The following S100G variants were observed in gnomAD, a reference collection of about 807,000 sequenced individuals.
S100G encodes protein S100-G.
S100G carries 4 observed loss-of-function variants against 4.4 expected under a neutral mutation model. The observed-to-expected ratio is 0.91, with a 90% confidence interval of 0.45 to 2.09. The LOEUF is 2.09. Ranked by LOEUF, S100G falls within the 30% of genes most tolerant of loss-of-function variation. The probability of loss-of-function intolerance (pLI) is 0.03; values close to 1 mark genes in which losing one functional copy is unlikely to be tolerated. For synonymous variants in S100G, 24 were observed against 20.1 expected (o/e 1.20, Z -0.53); for missense variants, 48 against 49.8 (o/e 0.96, Z 0.11).
chrX:16,654,382 C>T, intron 2 of S100G, 23 bp from the exon 3 acceptor site: 1 of 1,039,243 alleles, frequency 9.6e-7, no homozygotes, highest in Non-Finnish European at 1.3e-6. Context: ...CTCCCTTCTC[C>T]CATCCTTTTT....
chrX:16,653,512 A>T (rs969064052), intron 2 of S100G, among the ~76,000 whole-genome samples: 2 of 112,005 alleles, frequency 1.8e-5, no homozygotes, highest in African/African-American at 6.5e-5. Context: ...CGGGAGGCTG[A>T]GGCAGGAGGA....
At chrX:16,654,214 G>A (rs1932767506) in intron 2 of S100G, among the ~76,000 whole-genome samples, 191 bp from the exon 3 acceptor site, 1 of 112,753 alleles carries the variant, frequency 8.9e-6, no homozygotes, top group African/African-American at 3.2e-5. Flanking sequence ...AAGGTAGCCA[G>A]TTCTATGACA....
intron 1 of S100G, 25 bp from the exon 2 acceptor site, chrX:16,650,974 G>C (rs1932591707): frequency 8.4e-7 from 1 of 1,190,594 alleles, no homozygotes; most frequent in Non-Finnish European, 1.1e-6. Context: ...TTTTTGGTAA[G>C]TTTATTTTCT....
rs780831648 is a variant in S100G at position 16,651,120 on chromosome X, T to C, written c.114T>C (p.Ala38=). 3 of 1,207,963 alleles carry C rather than the reference T, an allele frequency of 2.5e-6. No individual in the cohort carries two copies. Among genetic ancestry groups the C allele is most frequent in the African/African-American group, 1.7e-5 (1 of 57,147 alleles). The change falls in exon 2 of 3, where the codon GCT becomes GCC. Residue 38 remains alanine, a synonymous_variant. Transcript: ENST00000380200. Reference sequence around the variant, plus strand: ...ATGAACTGAAGCTATTGATTCAGGCTGAATTCCCCAGTTTACTCAAAGTAA... The same window carrying C: ...ATGAACTGAAGCTATTGATTCAGGCCGAATTCCCCAGTTTACTCAAAGTAA... ...SKDELKLLIQ[A]EFPSLLKGPN... is the part of the protein sequence containing the mutation.
intron 2 of S100G, among the ~76,000 whole-genome samples, chrX:16,652,933 G>A (rs1429403046): frequency 9.0e-6 from 1 of 111,545 alleles, no homozygotes. Flanking sequence ...GTTTGGTCTT[G>A]TAATTAAAGC....
chrX:16,651,877 G>A (rs1167744718), intron 2 of S100G, among the ~76,000 whole-genome samples: 1 of 111,336 alleles, frequency 9.0e-6, no homozygotes, highest in Non-Finnish European at 1.9e-5. Flanking sequence ...CAGGACACTT[G>A]CCAAGGATGG....
At chrX:16,651,230 G>A (rs2147263713) in intron 2 of S100G, 89 bp downstream of exon 2, 2 of 905,510 alleles carry the variant, frequency 2.2e-6, no homozygotes, top group African/African-American at 2.0e-5. Context: ...AGCCTTATAG[G>A]GACCGTCGCT....
chrX:16,651,812 G>A (rs1382985253), intron 2 of S100G, among the ~76,000 whole-genome samples: 1 of 111,762 alleles, frequency 8.9e-6, no homozygotes, highest in Non-Finnish European at 1.9e-5. Context: ...AGAGCTGATC[G>A]TCCTCACTCC....
At chrX:16,654,265 C>A (rs1932768568) in intron 2 of S100G, 140 bp from the exon 3 acceptor site, 3 of 407,343 alleles carry the variant, frequency 7.4e-6, no homozygotes, top group Non-Finnish European at 1.3e-5. Context: ...TCTCTGTTAG[C>A]TATTAGATGC....
At position 16,651,081 on chromosome X, in the gene S100G, C is replaced by T; in HGVS notation, c.75C>T (p.Asp25=). The T allele has an allele frequency of 8.3e-7, 1 of 1,207,895 alleles. No individual in the cohort carries two copies. The highest frequency in any genetic ancestry group is 1.7e-5 in the African/African-American group (1 of 57,537). ...ATGCAGCCAAAGAAGGTGATCCAGA[C>T]CAGTTGTCAAAGGATGAACTGAAGC... ...EKYAAKEGDP[D]QLSKDELKLL... is the part of the protein sequence containing the mutation. Residue 25 remains aspartate (D), a synonymous_variant, in exon 2 of 3, where the codon GAC becomes GAT. Transcript: ENST00000380200.
chrX:16,651,229 G>C (rs1932613566), intron 2 of S100G, 88 bp downstream of exon 2: 1 of 913,466 alleles, frequency 1.1e-6, no homozygotes, highest in Non-Finnish European at 1.5e-6. Flanking sequence ...GAGCCTTATA[G>C]GGACCGTCGC....
intron 1 of S100G, 142 bp from the exon 2 acceptor site, chrX:16,650,857 C>A: frequency 4.0e-6 from 2 of 499,875 alleles, no homozygotes; most frequent in Non-Finnish European, 6.7e-6. Flanking sequence ...GGTGCCATTC[C>A]GACCCCGACA....
chrX:16,653,482 C>T (rs57541709), intron 2 of S100G, among the ~76,000 whole-genome samples: 4,778 of 111,863 alleles, frequency 0.043, 273 homozygotes, highest in African/African-American at 0.15. Context: ...TGGTGGCACA[C>T]GCCTTTAGTC....
rs968535380 is a variant in S100G, at chrX:16,650,181, C to T, written c.-31C>T. The T allele has an allele frequency of 4.5e-5, 5 of 112,330 alleles. No individual in the cohort carries two copies. Among genetic ancestry groups the T allele is most frequent in the Non-Finnish European group, 9.4e-5 (5 of 53,307 alleles). 9.3% of individuals were successfully genotyped at this position (112,330 alleles called of 1,213,427 possible). A position where few individuals can be genotyped will look rare whatever the true frequency, so the allele number is the denominator to read the frequency against. The stretch of plus-strand genomic sequence containing the variant: ...TCAAACTCCTCTTTGATTCTTCTAG[C>T]TGTTTCACTATTGGGCAACCAGGTT... On this transcript the variant is annotated 5_prime_UTR_variant, in exon 1 of 3. Coordinates refer to ENST00000380200, the MANE Select transcript of S100G (RefSeq NM_004057.3).
chrX:16,654,636 TCA>T lies in S100G; in HGVS notation c.*128_*129del, dbSNP rs1932775061. 1 of 374,635 alleles carries T rather than the reference TCA, an allele frequency of 2.7e-6. No homozygotes were observed. The highest frequency in any genetic ancestry group is 2.6e-5 in the African/African-American group (1 of 38,327). The allele number at this position is 374,635 out of a possible 1,213,427, so 30.9% of individuals were successfully genotyped here. On this transcript the variant is annotated 3_prime_UTR_variant, in exon 3 of 3. Transcript: ENST00000380200. The stretch of plus-strand genomic sequence containing the variant: ...AATTATAATAACCTGGCTGTGAGGT[TCA>T]GTTATTATTAATAAAGAAATTATTA...
At position 16,650,539 on chromosome X, in the gene S100G, C is replaced by T. The variant is rs773200256; in HGVS notation, c.-9+336C>T. Reference sequence around the variant, plus strand: ...TTTTTTTTTTTTTTTTTTTTTGCAGCGGAGGCTCGCTCTGTCACCCAGGCT... The same window carrying T: ...TTTTTTTTTTTTTTTTTTTTTGCAGTGGAGGCTCGCTCTGTCACCCAGGCT... On this transcript the variant is annotated intron_variant, in intron 1 of 2. Transcript: ENST00000380200. Among the ~76,000 whole-genome samples the T allele has an allele frequency of 9.7e-5, 8 of 82,728 alleles. No homozygotes were observed. In the East Asian group the frequency reaches 2.5e-3, roughly 26 times the overall value. The allele number at this position is 82,728 out of a possible 115,157, so 71.8% of individuals were successfully genotyped here.
intron 2 of S100G, among the ~76,000 whole-genome samples, chrX:16,652,890 T>C (rs973835770): frequency 1.8e-5 from 2 of 111,789 alleles, no homozygotes; most frequent in Non-Finnish European, 3.8e-5. Context: ...GTGTTTCATA[T>C]TCATAAATCA....
rs1189416703 is a variant in S100G, at chrX:16,654,521, A to G, written c.*12A>G. The stretch of plus-strand genomic sequence containing the variant: ...AGATATCCCAGTGAAGGAGAAAACA[A>G]AATAGAACCCTGAGCACTGGAGGAA... On this transcript the variant is annotated 3_prime_UTR_variant, in exon 3 of 3. Coordinates refer to ENST00000380200, the MANE Select transcript of S100G (RefSeq NM_004057.3). The G allele has an allele frequency of 9.5e-7, 1 of 1,053,919 alleles. No individual in the cohort carries two copies. The highest frequency in any genetic ancestry group is 1.8e-5 in the African/African-American group (1 of 54,076). 86.9% of individuals were successfully genotyped at this position (1,053,919 alleles called of 1,213,427 possible).
chrX:16,653,809 T>C (rs1196219280), intron 2 of S100G, among the ~76,000 whole-genome samples: 1 of 112,314 alleles, frequency 8.9e-6, no homozygotes, highest in Non-Finnish European at 1.9e-5. Context: ...GGTTGAGCTC[T>C]GGAGTCAACG....
Sources: allele counts gnomAD v4.1 joint callset (sites outside exome capture counted in the v4.1 genomes callset), GRCh38; gene constraint gnomAD v4.1.1; transcripts MANE v1.5; gene names NCBI Gene and HGNC (gene_info 2026-07-23, HGNC 2026-07-21).